The following FOXP1 variants were observed in gnomAD, a reference collection of about 807,000 sequenced individuals.
FOXP1 encodes the protein forkhead box P1, also known as forkhead box protein P1.
FOXP1 carries 15 observed loss-of-function variants against 98.2 expected under a neutral mutation model. That is an observed-to-expected ratio of 0.15 (90% CI 0.10 to 0.24). The LOEUF is 0.24. FOXP1 is among the 10% of genes least tolerant of loss of function. The pLI is 1.00. For missense variants in FOXP1, 633 were observed against 848.5 expected (o/e 0.75, Z 3.15); for synonymous variants, 371 against 314.5 (o/e 1.18, Z -1.90).
intron 5 of FOXP1, among the ~76,000 whole-genome samples, chr3:71,219,997 G>A (rs1365667625): frequency 6.6e-6 from 1 of 152,146 alleles, no homozygotes; most frequent in Non-Finnish European, 1.5e-5. Context: ...ATGAACCCTG[G>A]TGGGGCTGAT....
rs560820241 is a variant in FOXP1, at chr3:70,955,540, G to C, written c.*3707C>G. 11 of 231,516 alleles carry C rather than the reference G, an allele frequency of 4.8e-5. No individual in the cohort carries two copies. The South Asian group carries it at 1.5e-3, about 31-fold the overall frequency. 14.3% of individuals were successfully genotyped at this position (231,516 alleles called of 1,614,324 possible). On this transcript the variant is annotated 3_prime_UTR_variant, in exon 21 of 21. Transcript: ENST00000649528. ...TTTCTTTGAGAAAAAAAAAGTAACA[G>C]ATTTTCTTTACATCTTGGCACCTTG...
intron 7 of FOXP1, among the ~76,000 whole-genome samples, chr3:71,099,381 G>A (rs952214869): frequency 2.0e-5 from 3 of 152,052 alleles, no homozygotes; most frequent in African/African-American, 7.2e-5. Flanking sequence ...GCGTGGTGGT[G>A]CGCCCCTGTA....
chr3:71,268,017 C>CAA (rs377710886), intron 5 of FOXP1, among the ~76,000 whole-genome samples: 6 of 94,998 alleles, frequency 6.3e-5, no homozygotes, highest in Admixed American at 2.5e-4. Flanking sequence ...GACTCCGTCT[C>CAA]AAAAAAAAAA....
chr3:71,129,022 T>C (rs1291716141), intron 6 of FOXP1, among the ~76,000 whole-genome samples: 1 of 152,218 alleles, frequency 6.6e-6, no homozygotes, highest in Non-Finnish European at 1.5e-5. Flanking sequence ...CATGTTTATT[T>C]GCTTCAGCTA....
chr3:71,166,085 T>A (rs1272791892), intron 6 of FOXP1, among the ~76,000 whole-genome samples: 2 of 152,184 alleles, frequency 1.3e-5, no homozygotes, highest in African/African-American at 2.4e-5. Context: ...GAAGTAACAA[T>A]CACTCTGAGA....
chr3:71,260,255 T>C (rs1191338091), intron 5 of FOXP1, among the ~76,000 whole-genome samples: 2 of 152,132 alleles, frequency 1.3e-5, no homozygotes, highest in Non-Finnish European at 2.9e-5. Context: ...AGTGCTGGGA[T>C]TACAGGCGTG....
chr3:71,048,937 T>G (rs1239088088), intron 9 of FOXP1, among the ~76,000 whole-genome samples: 1 of 152,098 alleles, frequency 6.6e-6, no homozygotes, highest in Non-Finnish European at 1.5e-5. Context: ...AGGAAAAAGC[T>G]CATGAAAGCT....
intron 6 of FOXP1, among the ~76,000 whole-genome samples, chr3:71,118,319 C>T (rs181535772): frequency 2.0e-5 from 3 of 152,266 alleles, no homozygotes; most frequent in East Asian, 1.9e-4. Context: ...TTTACATAAG[C>T]GTGTTTACAA....
At chr3:71,095,583 G>A (rs1172407384) in intron 7 of FOXP1, among the ~76,000 whole-genome samples, 1 of 151,320 alleles carries the variant, frequency 6.6e-6, no homozygotes, top group East Asian at 1.9e-4. Flanking sequence ...TTAAAATACT[G>A]GCAGAAGAAA....
intron 3 of FOXP1, among the ~76,000 whole-genome samples, chr3:71,441,375 A>G (rs747838180): frequency 2.0e-5 from 3 of 152,242 alleles, no homozygotes; most frequent in Non-Finnish European, 4.4e-5. Context: ...CACAGACCCC[A>G]CAACAAAGAA....
At chr3:71,031,667 A>T (rs921306108) in intron 11 of FOXP1, among the ~76,000 whole-genome samples, 2 of 152,174 alleles carry the variant, frequency 1.3e-5, no homozygotes, top group African/African-American at 4.8e-5. Context: ...AGAAACCACA[A>T]ATATTAGACC....
In FOXP1 at chr3:71,359,211, A is replaced by C. The variant is rs2078382633; in HGVS notation, c.-134T>G. 6.6e-6 allele frequency: 1 copy of C among 152,260 alleles called. No individual in the cohort carries two copies. 9.4% of individuals were successfully genotyped at this position (152,260 alleles called of 1,614,324 possible). The stretch of plus-strand genomic sequence containing the variant: ...CTGGGGTCACTGGGAGGGGGCATGC[A>C]TAATGCCACAGGACTGCAACACACA... On this transcript the variant is annotated 5_prime_UTR_variant, in exon 4 of 21. It removes an upstream start codon present in the reference 5' UTR. Transcript: ENST00000649528.
chr3:71,069,183 A>G (rs1463809249), intron 7 of FOXP1, among the ~76,000 whole-genome samples: 1 of 152,214 alleles, frequency 6.6e-6, no homozygotes, highest in Non-Finnish European at 1.5e-5. Flanking sequence ...AATTCCCCTT[A>G]ATGCATCTTC....
chr3:71,433,022 A>C (rs2084878804), intron 3 of FOXP1, among the ~76,000 whole-genome samples: 1 of 151,586 alleles, frequency 6.6e-6, no homozygotes, highest in African/African-American at 2.4e-5. Flanking sequence ...GTCTTCTTGG[A>C]TCTTTTGGTG....
chr3:71,351,815 G>T (rs2077800590), intron 4 of FOXP1, among the ~76,000 whole-genome samples: 1 of 152,162 alleles, frequency 6.6e-6, no homozygotes, highest in African/African-American at 2.4e-5. Context: ...TAAAATGAGG[G>T]CTAGAGAGAT....
At chr3:71,278,131 C>A (rs922810059) in intron 5 of FOXP1, among the ~76,000 whole-genome samples, 1 of 152,100 alleles carries the variant, frequency 6.6e-6, no homozygotes, top group African/African-American at 2.4e-5. Flanking sequence ...GTAGCCCCTA[C>A]GTAACCCAGA....
intron 2 of FOXP1, among the ~76,000 whole-genome samples, chr3:71,501,291 T>TAA (rs368070655): frequency 0.24 from 30,709 of 127,558 alleles, 1,909 homozygotes; most frequent in Non-Finnish European, 0.32. Flanking sequence ...TGAAATGCTT[T>TAA]TCTTTTTTTT....
At chr3:71,022,392 A>G (rs1291064886) in intron 11 of FOXP1, among the ~76,000 whole-genome samples, 2 of 152,238 alleles carry the variant, frequency 1.3e-5, no homozygotes, top group East Asian at 3.8e-4. Context: ...ACATTAAGCT[A>G]TAAAATAACT....
intron 5 of FOXP1, chr3:71,245,333 T>C (rs1351486685): frequency 1.3e-5 from 2 of 152,154 alleles, no homozygotes; most frequent in Admixed American, 6.5e-5. Context: ...GGGTCAGTCC[T>C]GTCTTTTCAG....
Sources: gnomAD v4.1 joint callset for allele counts (sites outside exome capture counted in the v4.1 genomes callset) on GRCh38, gnomAD v4.1.1 for gene constraint, MANE v1.5 for transcripts, NCBI Gene and HGNC (gene_info 2026-07-23, HGNC 2026-07-21) for gene names.